The following DNAI1 variants were observed in gnomAD, a reference collection of about 807,000 sequenced individuals.
The protein encoded by DNAI1 is dynein axonemal intermediate chain 1.
DNAI1 carries 67 observed loss-of-function variants against 92.0 expected under a neutral mutation model. The ratio of observed to expected loss-of-function variants is 0.73; its 90% CI spans 0.60 to 0.89. DNAI1 has a LOEUF of 0.89. DNAI1 is among the 40% of genes least tolerant of loss of function. The pLI, the probability that DNAI1 is intolerant of heterozygous loss-of-function variation, is 0.00. For missense variants in DNAI1, 839 were observed against 866.6 expected (o/e 0.97, Z 0.40); for synonymous variants, 323 against 319.6 (o/e 1.01, Z -0.11).
At chr9:34,508,407 A>T (rs1370024297) in intron 13 of DNAI1, among the ~76,000 whole-genome samples, 3 of 152,246 alleles carry the variant, frequency 2.0e-5, no homozygotes, top group Non-Finnish European at 4.4e-5. Context: ...CCAACAAAGC[A>T]GAGACCAGAG....
chr9:34,471,117 A>C (rs1474590804), intron 1 of DNAI1, among the ~76,000 whole-genome samples: 11 of 152,200 alleles, frequency 7.2e-5, no homozygotes, highest in Non-Finnish European at 1.0e-4. Flanking sequence ...AGAAAGGTAT[A>C]GTTTTAAACG....
rs1392661120 is a variant in DNAI1, at chr9:34,490,087, CTG to C, written c.465_466del (p.Glu156AlafsTer14). On this transcript the variant is annotated frameshift_variant, in exon 6 of 20. Transcript: ENST00000242317. LOFTEE classifies it high-confidence loss of function. Reference sequence around the variant, plus strand: ...GACGAAGAGCCCAAGGAGTTAGAAACTGAGCCTGGGAGTCAAACAGATGTGCC... The same window carrying C: ...GACGAAGAGCCCAAGGAGTTAGAAACAGCCTGGGAGTCAAACAGATGTGCC... 1.2e-6 allele frequency: 2 copies of C among 1,614,006 alleles called. No individual in the cohort carries two copies. Among genetic ancestry groups the C allele is most frequent in the Admixed American group, 1.7e-5 (1 of 59,992 alleles).
chr9:34,467,672 C>T (rs1824064037), intron 1 of DNAI1, among the ~76,000 whole-genome samples: 1 of 150,622 alleles, frequency 6.6e-6, no homozygotes, highest in African/African-American at 2.4e-5. Context: ...ATATATATAA[C>T]CTTAAAGACC....
intron 4 of DNAI1, 108 bp downstream of exon 4, chr9:34,485,625 A>C (rs752540849): frequency 4.8e-5 from 51 of 1,053,670 alleles, no homozygotes; most frequent in Non-Finnish European, 6.8e-5. Flanking sequence ...GAGCACTTTT[A>C]AACTGAGGTC....
rs751871090 is a variant in DNAI1 at position 34,506,635 on chromosome 9, A to G, written c.1072A>G (p.Met358Val). Residue 358 changes from methionine to valine, a missense_variant, in exon 13 of 20, where the codon ATG (methionine) becomes GTG (valine). Coordinates refer to ENST00000242317, the MANE Select transcript of DNAI1 (RefSeq NM_012144.4). ...FAVGYGSYDF[M>V]KQSRGMLLLY... ...CCATCTTCCCTGGGTAGATGACTTC[A>G]TGAAGCAGAGCCGGGGCATGCTGCT... The G allele has an allele frequency of 8.1e-6, 13 of 1,614,032 alleles. No individual in the cohort carries two copies. The highest frequency in any genetic ancestry group is 1.7e-5 in the Admixed American group (1 of 60,000).
At position 34,466,803 on chromosome 9, in the gene DNAI1, C is replaced by T. The variant is rs1824046590; in HGVS notation, c.48+7750C>T. 2.0e-5 allele frequency among the ~76,000 whole-genome samples: 3 copies of T among 152,206 alleles called. No homozygotes were observed. The South Asian group carries it at 6.2e-4, about 32-fold the overall frequency. Reference sequence around the variant, plus strand: ...CTATGTTTCATTCTTATTCTTATTTCCCAACTGGCCAGATTTCCATGGTCT... The same window carrying T: ...CTATGTTTCATTCTTATTCTTATTTTCCAACTGGCCAGATTTCCATGGTCT... On this transcript the variant is annotated intron_variant, in intron 1 of 19. Coordinates refer to ENST00000242317, the MANE Select transcript of DNAI1 (RefSeq NM_012144.4).
chr9:34,499,578 G>A (rs910677713), intron 10 of DNAI1, among the ~76,000 whole-genome samples: 2 of 152,160 alleles, frequency 1.3e-5, no homozygotes, highest in South Asian at 2.1e-4. Context: ...TGTGACAGAT[G>A]TTTCAGTAGA....
chr9:34,467,947 G>A (rs969518828), intron 1 of DNAI1, among the ~76,000 whole-genome samples: 2 of 152,168 alleles, frequency 1.3e-5, no homozygotes, highest in African/African-American at 4.8e-5. Context: ...TAGTACCAGG[G>A]AGTAACACAG....
chr9:34,514,264 G>A (rs572433326), intron 16 of DNAI1, 130 bp from the exon 17 acceptor site: 376 of 1,219,308 alleles, frequency 3.1e-4, no homozygotes, highest in Non-Finnish European at 3.9e-4. Context: ...CCAGGAGCTT[G>A]GCCCCAGTTC....
intron 4 of DNAI1, among the ~76,000 whole-genome samples, chr9:34,486,106 A>C (rs941292385): frequency 2.6e-5 from 4 of 152,058 alleles, no homozygotes; most frequent in Non-Finnish European, 5.9e-5. Context: ...TACTCTTTTC[A>C]CTCATAGCAA....
chr9:34,474,217 G>C (rs1294422616), intron 1 of DNAI1, among the ~76,000 whole-genome samples: 1 of 151,752 alleles, frequency 6.6e-6, no homozygotes, highest in Non-Finnish European at 1.5e-5. Context: ...TCTTATTCAG[G>C]TGTGACTATT....
At position 34,520,846 on chromosome 9, in the gene DNAI1, G is replaced by A. The variant is rs757587186; in HGVS notation, c.*90G>A. The A allele has an allele frequency of 6.5e-6, 8 of 1,238,360 alleles. No homozygotes were observed. The highest frequency in any genetic ancestry group is 9.3e-6 in the Non-Finnish European group (8 of 862,350). 76.7% of individuals were successfully genotyped at this position (1,238,360 alleles called of 1,614,324 possible). ...CCAGCCCAGCCTTAGCACCCAGCATGTGACCCCACTCCTGATCAGGTCCCA... is the reference window on the plus strand; with the variant it reads ...CCAGCCCAGCCTTAGCACCCAGCATATGACCCCACTCCTGATCAGGTCCCA... On this transcript the variant is annotated 3_prime_UTR_variant, in exon 20 of 20. Transcript: ENST00000242317.
intron 15 of DNAI1, among the ~76,000 whole-genome samples, 192 bp downstream of exon 15, chr9:34,512,616 A>C (rs1049703891): frequency 6.6e-6 from 1 of 152,158 alleles, no homozygotes; most frequent in African/African-American, 2.4e-5. Flanking sequence ...CTGTTTATGC[A>C]GTTCCCATCC....
intron 1 of DNAI1, among the ~76,000 whole-genome samples, chr9:34,460,723 C>T (rs980598233): frequency 2.0e-5 from 3 of 151,992 alleles, no homozygotes; most frequent in Admixed American, 6.6e-5. Context: ...AGTGCAGTGG[C>T]GCAATCTAGG....
chr9:34,485,206 T>A lies in DNAI1; in HGVS notation c.146T>A (p.Val49Asp). 6.2e-7 allele frequency: 1 copy of A among 1,614,158 alleles called. No homozygotes were observed. Among genetic ancestry groups the A allele is most frequent in the Non-Finnish European group, 8.5e-7 (1 of 1,180,008 alleles). Residue 49 changes from valine to aspartate, a missense_variant, in exon 3 of 20, where the codon GTT becomes GAT. Physicochemically the swap from Val to Asp is radical, Grantham distance 152. Transcript: ENST00000242317. ...TDEWAQSKAT[V>D]RPPDQLELTD... ...GAATGGGCCCAATCCAAAGCCACAGTTAGACCCCCTGACCAGCTGGAGTTG... is the reference window on the plus strand; with the variant it reads ...GAATGGGCCCAATCCAAAGCCACAGATAGACCCCCTGACCAGCTGGAGTTG...
intron 1 of DNAI1, among the ~76,000 whole-genome samples, chr9:34,481,249 GTAA>G (rs376850507): frequency 4.6e-5 from 7 of 152,362 alleles, no homozygotes; most frequent in South Asian, 2.1e-4. Context: ...TCTCAAAATA[GTAA>G]TAATAATGTT....
intron 1 of DNAI1, among the ~76,000 whole-genome samples, chr9:34,481,299 CACTT>C (rs1472730257): frequency 6.6e-6 from 1 of 152,180 alleles, no homozygotes; most frequent in Non-Finnish European, 1.5e-5. Flanking sequence ...CAGAGATGAA[CACTT>C]AGAGTATGCT....
At chr9:34,491,588 A>T in intron 8 of DNAI1, 34 bp downstream of exon 8, 5 of 1,611,406 alleles carry the variant, frequency 3.1e-6, no homozygotes, top group Non-Finnish European at 4.2e-6. Context: ...ACCTCTTACC[A>T]CCCACCTCTA....
intron 1 of DNAI1, among the ~76,000 whole-genome samples, chr9:34,481,519 G>A (rs1446658906): frequency 6.6e-6 from 1 of 152,204 alleles, no homozygotes; most frequent in Non-Finnish European, 1.5e-5. Context: ...TGGAATTGGT[G>A]GGTTCTTGGT....
Sources: gnomAD v4.1 joint callset for allele counts (sites outside exome capture counted in the v4.1 genomes callset) on GRCh38, gnomAD v4.1.1 for gene constraint, MANE v1.5 for transcripts, NCBI Gene and HGNC (gene_info 2026-07-23, HGNC 2026-07-21) for gene names.